KIF3A: variants seen among roughly 807,000 people sequenced by gnomAD.
The protein encoded by KIF3A is kinesin family member 3A.
Under a neutral mutation model 92.6 loss-of-function variants are expected in KIF3A, and 27 were observed. The ratio of observed to expected loss-of-function variants is 0.29; its 90% CI spans 0.21 to 0.40. The LOEUF (loss-of-function observed/expected upper bound fraction) is 0.40, where lower values mean the gene tolerates loss of function less well. Among genes scored for constraint, KIF3A ranks in the 10% least tolerant of loss-of-function variants. The pLI is 1.00. For missense variants in KIF3A, 581 were observed against 872.6 expected, an observed-to-expected ratio of 0.67 and a Z score of 4.21; for synonymous variants, 250 against 275.4, an observed-to-expected ratio of 0.91 and a Z score of 0.92.
In KIF3A at chr5:132,696,766, G is replaced by A; in HGVS notation, c.2133-84C>T. On this transcript the variant is annotated intron_variant, in intron 18 of 18. Coordinates refer to ENST00000403231, the MANE Select transcript of KIF3A (RefSeq NM_001300791.2). Reference sequence around the variant, plus strand: ...CATTTAACATTATATAGAAACTATGGGGTGGCCTGTATAGTCTGGAAACAA... The same window carrying A: ...CATTTAACATTATATAGAAACTATGAGGTGGCCTGTATAGTCTGGAAACAA... 4.6e-6 allele frequency: 5 copies of A among 1,079,782 alleles called. No individual in the cohort carries two copies. In the South Asian group the frequency reaches 6.5e-5, roughly 14 times the overall value. The allele number at this position is 1,079,782 out of a possible 1,614,324, so 66.9% of individuals were successfully genotyped here.
chr5:132,711,190 C>G lies in KIF3A; in HGVS notation c.1130-133G>C, dbSNP rs1018779676. 4 of 733,894 alleles carry G rather than the reference C, an allele frequency of 5.5e-6. No homozygotes were observed. In the Admixed American group the frequency reaches 7.4e-5, roughly 14 times the overall value. 45.5% of individuals were successfully genotyped at this position (733,894 alleles called of 1,614,324 possible). Reference sequence around the variant, plus strand: ...CAAATTTAAATACTATTTAAATGCTCCTAGAAAGTATAACAGATATGCCAA... The same window carrying G: ...CAAATTTAAATACTATTTAAATGCTGCTAGAAAGTATAACAGATATGCCAA... On this transcript the variant is annotated intron_variant, in intron 8 of 18. Transcript: ENST00000403231.
chr5:132,690,458 T>C (rs1218460734), downstream of KIF3A, among the ~76,000 whole-genome samples: 2 of 152,094 alleles, frequency 1.3e-5, no homozygotes, highest in African/African-American at 2.4e-5. Flanking sequence ...TATAGCACTG[T>C]AGAATGACTA....
intron 2 of KIF3A, among the ~76,000 whole-genome samples, chr5:132,732,547 C>T (rs900217578): frequency 6.6e-6 from 1 of 152,084 alleles, no homozygotes; most frequent in South Asian, 2.1e-4. Context: ...GAGGCCGAGG[C>T]GGGTGGATCA....
intron 10 of KIF3A, among the ~76,000 whole-genome samples, chr5:132,708,040 T>C (rs1199147300): frequency 6.6e-6 from 1 of 152,042 alleles, no homozygotes; most frequent in African/African-American, 2.4e-5. Flanking sequence ...TCCCAGCACT[T>C]TGGGAGGCCG....
chr5:132,735,685 A>T (rs530491103), intron 1 of KIF3A, among the ~76,000 whole-genome samples: 1 of 152,282 alleles, frequency 6.6e-6, no homozygotes, highest in East Asian at 1.9e-4. Flanking sequence ...TCCTGAATCT[A>T]ATCAGATTGC....
At position 132,696,493 on chromosome 5, in the gene KIF3A, AATT is replaced by A; in HGVS notation, c.*138_*140del. On this transcript the variant is annotated 3_prime_UTR_variant, in exon 19 of 19. Coordinates refer to ENST00000403231, the MANE Select transcript of KIF3A (RefSeq NM_001300791.2). ...TATGTAGACTAAAAGTTCTTAAGCA[AATT>A]ATTATTTCCAGTCTTATTCATTGAT... 1.6e-6 allele frequency: 1 copy of A among 638,654 alleles called. No individual in the cohort carries two copies. Among genetic ancestry groups the A allele is most frequent in the Non-Finnish European group, 2.9e-6 (1 of 350,118 alleles). 39.6% of individuals were successfully genotyped at this position (638,654 alleles called of 1,614,324 possible).
chr5:132,722,844 T>C (rs1002452617), intron 4 of KIF3A, among the ~76,000 whole-genome samples: 1 of 152,228 alleles, frequency 6.6e-6, no homozygotes, highest in Non-Finnish European at 1.5e-5. Context: ...CTGTTGACAC[T>C]GCATTTGTAG....
chr5:132,700,760 G>T, intron 15 of KIF3A, 60 bp from the exon 16 acceptor site: 1 of 1,026,414 alleles, frequency 9.7e-7, no homozygotes, highest in South Asian at 1.4e-5. Context: ...AAATATTGAA[G>T]TCATAAAACT....
At position 132,737,454 on chromosome 5, in the gene KIF3A, C is replaced by T. The variant is rs768994836; in HGVS notation, c.-35G>A. 3.1e-6 allele frequency: 5 copies of T among 1,600,626 alleles called. No individual in the cohort carries two copies. The South Asian group carries it at 5.6e-5, about 18-fold the overall frequency. On this transcript the variant is annotated 5_prime_UTR_variant, in exon 1 of 19. Coordinates refer to ENST00000403231, the MANE Select transcript of KIF3A (RefSeq NM_001300791.2). Reference sequence around the variant, plus strand: ...CTCCCGTGCCCGGCGGACGTCCCCGCCCGGGGTGCAGCCCAGCGACACCGG... The same window carrying T: ...CTCCCGTGCCCGGCGGACGTCCCCGTCCGGGGTGCAGCCCAGCGACACCGG...
chr5:132,715,193 C>T (rs1005511752), intron 8 of KIF3A, among the ~76,000 whole-genome samples: 11 of 152,098 alleles, frequency 7.2e-5, no homozygotes, highest in African/African-American at 2.7e-4. Context: ...GACTGGGAAG[C>T]GTCTCACTCT....
intron 4 of KIF3A, among the ~76,000 whole-genome samples, chr5:132,724,030 C>A (rs2149914117): frequency 6.6e-6 from 1 of 152,242 alleles, no homozygotes; most frequent in East Asian, 1.9e-4. Context: ...ATTTATGCAG[C>A]CAACAGACAC....
intron 4 of KIF3A, among the ~76,000 whole-genome samples, chr5:132,720,949 C>A (rs1397200593): frequency 6.6e-6 from 1 of 152,074 alleles, no homozygotes; most frequent in Non-Finnish European, 1.5e-5. Flanking sequence ...AAGTACAGAA[C>A]ACTACTAAGC....
At chr5:132,722,629 T>C (rs1373374515) in intron 4 of KIF3A, among the ~76,000 whole-genome samples, 1 of 152,208 alleles carries the variant, frequency 6.6e-6, no homozygotes, top group Non-Finnish European at 1.5e-5. Context: ...GATAATTATA[T>C]CTGAGTCTGT....
intron 6 of KIF3A, 78 bp from the exon 7 acceptor site, chr5:132,716,520 G>T: frequency 8.1e-7 from 1 of 1,233,020 alleles, no homozygotes. Context: ...TTATTAAAAA[G>T]TAATGTAACA....
chr5:132,696,414 T>C lies in KIF3A; in HGVS notation c.*220A>G, dbSNP rs1581058116. On this transcript the variant is annotated 3_prime_UTR_variant, in exon 19 of 19. Transcript: ENST00000403231. ...CCTGCACAGTACAATTGAAGAGTAG[T>C]AGTACAACAATTTGAACAATCACCA... The C allele has an allele frequency of 6.1e-6, 3 of 490,726 alleles. No individual in the cohort carries two copies. The highest frequency in any genetic ancestry group is 3.9e-5 in the African/African-American group (2 of 51,834). 30.4% of individuals were successfully genotyped at this position (490,726 alleles called of 1,614,324 possible).
chr5:132,699,104 C>A lies in KIF3A; in HGVS notation c.2132+67G>T, dbSNP rs1030375958. On this transcript the variant is annotated intron_variant, in intron 18 of 18. Coordinates refer to ENST00000403231, the MANE Select transcript of KIF3A (RefSeq NM_001300791.2). ...GTTTTAACTAAATAAATTTTAACTT[C>A]CTGTACATGTATCTAATTAGAATAC... 3.5e-6 allele frequency: 5 copies of A among 1,422,018 alleles called. No individual in the cohort carries two copies. The African/African-American group carries it at 7.1e-5, about 20-fold the overall frequency. 88.1% of individuals were successfully genotyped at this position (1,422,018 alleles called of 1,614,324 possible).
intron 16 of KIF3A, 106 bp downstream of exon 16, chr5:132,700,541 T>G: frequency 1.3e-6 from 1 of 757,416 alleles, no homozygotes. Flanking sequence ...GATTCTCATC[T>G]GATTCATCTA....
At chr5:132,721,671 C>T (rs1753829065) in intron 4 of KIF3A, 2 of 151,560 alleles carry the variant, frequency 1.3e-5, no homozygotes, top group Non-Finnish European at 2.9e-5. Flanking sequence ...AGGAAAAATC[C>T]TTTATCTGTC....
At chr5:132,737,333 C>T in intron 1 of KIF3A, 81 bp downstream of exon 1, 2 of 1,500,704 alleles carry the variant, frequency 1.3e-6, no homozygotes, top group Non-Finnish European at 1.8e-6. Flanking sequence ...GCCGGCTCCG[C>T]GCCTCCATGG....
Sources: gnomAD v4.1 joint callset for allele counts (sites outside exome capture counted in the v4.1 genomes callset) on GRCh38, gnomAD v4.1.1 for gene constraint, MANE v1.5 for transcripts, NCBI Gene and HGNC (gene_info 2026-07-23, HGNC 2026-07-21) for gene names.